Variants in MPDU1 observed in about 807,000 individuals in gnomAD.
The protein encoded by MPDU1 is mannose-P-dolichol utilization defect 1, also known as mannose-P-dolichol utilization defect 1 protein.
Under a neutral mutation model 27.6 loss-of-function variants are expected in MPDU1, and 18 were observed. The observed-to-expected ratio is 0.65, with a 90% CI of 0.45 to 0.97. MPDU1 has a LOEUF of 0.97. Ranked by LOEUF, MPDU1 falls within the 50% of genes least tolerant of loss-of-function variation. The probability of loss-of-function intolerance (pLI) is 0.00; values close to 1 mark genes in which losing one functional copy is unlikely to be tolerated. For synonymous variants in MPDU1, 142 were observed against 131.1 expected (o/e 1.08, Z -0.57); for missense variants, 279 against 297.4 (o/e 0.94, Z 0.46).
upstream of MPDU1, chr17:7,583,828 G>A (rs373815824): frequency 1.2e-6 from 2 of 1,605,426 alleles, no homozygotes; most frequent in Non-Finnish European, 1.7e-6. Flanking sequence ...AGTCAATGGC[G>A]GTCTGGAGAG....
At position 7,585,942 on chromosome 17, in the gene MPDU1, C is replaced by T. The variant is rs1326444954; in HGVS notation, c.170-4C>T. ...CAGTCCTACTTTTCTCATCTTTCCC[C>T]TAGTAAAGCTGCCCCAGGTGTTTAA... On this transcript the variant is annotated splice_region_variant and splice_polypyrimidine_tract_variant and intron_variant, in intron 2 of 6. Transcript: ENST00000250124. 1 of 1,614,136 alleles carries T rather than the reference C, an allele frequency of 6.2e-7. No homozygotes were observed. Among genetic ancestry groups the T allele is most frequent in the Admixed American group, 1.7e-5 (1 of 60,018 alleles).
rs878936939 is a variant in MPDU1, at chr17:7,587,806, A to T, written c.*255A>T. On this transcript the variant is annotated 3_prime_UTR_variant, in exon 7 of 7. Coordinates refer to ENST00000250124, the MANE Select transcript of MPDU1 (RefSeq NM_004870.4). Reference sequence around the variant, plus strand: ...CTTTCGTAAGCCCTGTACATGTACTATTAATTCAGTCATTCAGCCAAGCCT... The same window carrying T: ...CTTTCGTAAGCCCTGTACATGTACTTTTAATTCAGTCATTCAGCCAAGCCT... The T allele has an allele frequency of 5.0e-6, 3 of 598,456 alleles. No individual in the cohort carries two copies. Among genetic ancestry groups the T allele is most frequent in the African/African-American group, 3.7e-5 (2 of 54,788 alleles). 37.1% of individuals were successfully genotyped at this position (598,456 alleles called of 1,614,324 possible).
chr17:7,585,905 A>T, intron 2 of MPDU1, 41 bp from the exon 3 acceptor site: 2 of 1,614,058 alleles, frequency 1.2e-6, no homozygotes, highest in Non-Finnish European at 1.7e-6. Flanking sequence ...ATCCCAAAGA[A>T]TGGAGAGTCC....
chr17:7,587,119 G>A (rs1399428651), intron 5 of MPDU1, 42 bp from the exon 6 acceptor site: 1 of 1,598,224 alleles, frequency 6.3e-7, no homozygotes, highest in East Asian at 2.2e-5. Flanking sequence ...AGCATGGGAA[G>A]AGCTCAGGTG....
intron 1 of MPDU1, chr17:7,584,320 C>G (rs1018728593): frequency 4.6e-5 from 24 of 520,152 alleles, no homozygotes; most frequent in Middle Eastern, 5.1e-4. Context: ...TGAATCGGGC[C>G]TTCATTGCAC....
At chr17:7,585,878 T>C (rs2071574399) in intron 2 of MPDU1, 68 bp from the exon 3 acceptor site, 1 of 1,612,814 alleles carries the variant, frequency 6.2e-7, no homozygotes, top group African/African-American at 1.3e-5. Flanking sequence ...GTGTTCGTTC[T>C]ATAGCTGTTG....
intron 1 of MPDU1, among the ~76,000 whole-genome samples, chr17:7,584,915 C>G (rs1254484504): frequency 1.3e-5 from 2 of 152,194 alleles, no homozygotes; most frequent in South Asian, 4.1e-4. Flanking sequence ...ATCGCTTAAA[C>G]CCGGGAGACA....
chr17:7,583,901 C>T lies in MPDU1; in HGVS notation c.39C>T (p.Leu13=), dbSNP rs759953834. ...AEADGPLKRL[L]VPILLPEKCY... ...CGGACGGACCGCTTAAACGGCTGCTCGTGCCGATTCTTTTACCTGAGAAAT... is the reference window on the plus strand; with the variant it reads ...CGGACGGACCGCTTAAACGGCTGCTTGTGCCGATTCTTTTACCTGAGAAAT... Residue 13 remains leucine, a synonymous_variant, in exon 1 of 7, where the codon CTC becomes CTT. Coordinates refer to ENST00000250124, the MANE Select transcript of MPDU1 (RefSeq NM_004870.4). 18 of 1,614,060 alleles carry T rather than the reference C, an allele frequency of 1.1e-5. No individual in the cohort carries two copies. The highest frequency in any genetic ancestry group is 1.7e-5 in the Admixed American group (1 of 60,010).
chr17:7,587,805 T>C lies in MPDU1; in HGVS notation c.*254T>C, dbSNP rs1567744383. 4 of 600,116 alleles carry C rather than the reference T, an allele frequency of 6.7e-6. No individual in the cohort carries two copies. The highest frequency in any genetic ancestry group is 1.2e-5 in the Non-Finnish European group (4 of 321,186). The allele number at this position is 600,116 out of a possible 1,614,324, so 37.2% of individuals were successfully genotyped here. A position where few individuals can be genotyped will look rare whatever the true frequency, so the allele number is the denominator to read the frequency against. On this transcript the variant is annotated 3_prime_UTR_variant, in exon 7 of 7. Coordinates refer to ENST00000250124, the MANE Select transcript of MPDU1 (RefSeq NM_004870.4). ...GCTTTCGTAAGCCCTGTACATGTAC[T>C]ATTAATTCAGTCATTCAGCCAAGCC...
chr17:7,586,986 C>A lies in MPDU1; in HGVS notation c.476C>A (p.Ala159Asp). 1 of 1,613,120 alleles carries A rather than the reference C, an allele frequency of 6.2e-7. No individual in the cohort carries two copies. Among genetic ancestry groups the A allele is most frequent in the Non-Finnish European group, 8.5e-7 (1 of 1,179,786 alleles). The change falls in exon 5 of 7, where the codon GCC becomes GAC. Residue 159 changes from alanine (A) to aspartate (D), a missense_variant. Ala to Asp is a moderately radical substitution (Grantham distance 126). Transcript: ENST00000250124. ...TPLTVVTLLQ[A>D]SNVPAVVVGR... ...TTGACTGTAGTCACCCTGCTCCAGG[C>A]CTCCAATGTGCCTGCTGTGGTGGTG...
At chr17:7,584,679 ACAGT>A (rs1236119132) in intron 1 of MPDU1, among the ~76,000 whole-genome samples, 3 of 152,190 alleles carry the variant, frequency 2.0e-5, no homozygotes, top group African/African-American at 4.8e-5. Context: ...GGGGCCAGGG[ACAGT>A]CAGAGTGTTC....
chr17:7,586,291 T>C (rs1271443770), intron 3 of MPDU1: 2 of 578,976 alleles, frequency 3.5e-6, no homozygotes, highest in African/African-American at 1.9e-5. Flanking sequence ...AATACAAAAT[T>C]AGCTGGGTGT....
chr17:7,586,702 G>T lies in MPDU1; in HGVS notation c.313G>T (p.Glu105Ter). The T allele has an allele frequency of 6.2e-7, 1 of 1,614,134 alleles. No homozygotes were observed. Among genetic ancestry groups the T allele is most frequent in the Non-Finnish European group, 8.5e-7 (1 of 1,180,012 alleles). The change falls in exon 4 of 7, where the codon GAA (glutamate) becomes TAA (stop). Residue 105 changes from glutamate to a stop codon, truncating the protein, a stop_gained. Transcript: ENST00000250124. LOFTEE classifies it high-confidence loss of function. The part of the protein sequence containing the change: ...TNNFPFSSWG[E>*]ALFLMLQTIT... ...CTCTTGACTCTGCAGCTCTTGGGGT[G>T]AAGCCTTATTCCTGATGCTCCAGAC...
chr17:7,584,507 T>C (rs748456831), intron 1 of MPDU1, among the ~76,000 whole-genome samples: 10 of 152,324 alleles, frequency 6.6e-5, no homozygotes, highest in Admixed American at 2.6e-4. Context: ...GGTACCTCTC[T>C]TGAGCTCGTG....
chr17:7,586,125 A>G, intron 3 of MPDU1, 47 bp downstream of exon 3: 1 of 1,608,806 alleles, frequency 6.2e-7, no homozygotes, highest in Non-Finnish European at 8.5e-7. Context: ...CACAACTCTA[A>G]TGGGGATTAA....
chr17:7,586,118 A>C, intron 3 of MPDU1, 40 bp downstream of exon 3: 1 of 1,611,102 alleles, frequency 6.2e-7, no homozygotes. Context: ...TAATACCCAC[A>C]ACTCTAATGG....
Position 7,587,215 on chromosome 17 carries a change from A to G in MPDU1, c.562A>G (p.Ile188Val), listed in dbSNP as rs200533579. The change falls in exon 6 of 7, where the codon ATC becomes GTC. Residue 188 changes from isoleucine to valine, a missense_variant. By Grantham distance (29) the Ile-to-Val change is conservative. Coordinates refer to ENST00000250124, the MANE Select transcript of MPDU1 (RefSeq NM_004870.4). Reference protein sequence around the residue: ...HNGHTGQLSAITVFLLFGGSL... With the variant: ...HNGHTGQLSAVTVFLLFGGSL... ...CGGGCACACAGGCCAGCTCTCAGCCATCACAGTCTTCCTGCTGTTTGGGGG... is the reference window on the plus strand; with the variant it reads ...CGGGCACACAGGCCAGCTCTCAGCCGTCACAGTCTTCCTGCTGTTTGGGGG... 2.5e-6 allele frequency: 4 copies of G among 1,614,106 alleles called. No homozygotes were observed. The African/African-American group carries it at 5.3e-5, about 22-fold the overall frequency.
chr17:7,587,999 T>C lies in MPDU1; in HGVS notation c.*448T>C. ...CTCCCTCCCTCAGCCCGGCTGGGACTGTCTCCCGGACCCCAGTGCTGGGGT... is the reference window on the plus strand; with the variant it reads ...CTCCCTCCCTCAGCCCGGCTGGGACCGTCTCCCGGACCCCAGTGCTGGGGT... On this transcript the variant is annotated 3_prime_UTR_variant, in exon 7 of 7. Transcript: ENST00000250124. The C allele has an allele frequency of 2.1e-6, 1 of 482,956 alleles. No homozygotes were observed. The allele number at this position is 482,956 out of a possible 1,614,324, so 29.9% of individuals were successfully genotyped here.
intron 1 of MPDU1, 30 bp downstream of exon 1, chr17:7,583,995 C>G: frequency 1.2e-6 from 2 of 1,600,906 alleles, no homozygotes; most frequent in Non-Finnish European, 1.7e-6. Flanking sequence ...CGATCCAAGT[C>G]CTACTCGAGT....
Sources: gnomAD v4.1 joint callset for allele counts (sites outside exome capture counted in the v4.1 genomes callset) on GRCh38, gnomAD v4.1.1 for gene constraint, MANE v1.5 for transcripts, NCBI Gene and HGNC (gene_info 2026-07-23, HGNC 2026-07-21) for gene names.